The following RALYL variants were observed in gnomAD, a reference collection of about 807,000 sequenced individuals.
RALYL encodes the protein RALY RNA binding protein like, also known as RNA-binding Raly-like protein.
RALYL carries 29 observed loss-of-function variants against 35.1 expected under a neutral mutation model. The observed-to-expected ratio is 0.83, with a 90% CI of 0.61 to 1.13. The LOEUF (loss-of-function observed/expected upper bound fraction) is 1.13, where lower values mean the gene tolerates loss of function less well. RALYL is among the 50% of genes most tolerant of loss of function. RALYL has a pLI of 0.00. For missense variants in RALYL, 359 were observed against 360.4 expected, an observed-to-expected ratio of 1.00 and a Z score of 0.03; for synonymous variants, 120 against 127.6, an observed-to-expected ratio of 0.94 and a Z score of 0.40.
chr8:84,415,219 G>A (rs373610129), intron 1 of RALYL, among the ~76,000 whole-genome samples: 2 of 70,114 alleles, frequency 2.9e-5, no homozygotes, highest in African/African-American at 5.6e-5. Flanking sequence ...TTTTTTTTTT[G>A]TTTTTTTGTT....
At chr8:84,536,943 T>C (rs1281962010) in intron 2 of RALYL, among the ~76,000 whole-genome samples, 1 of 152,108 alleles carries the variant, frequency 6.6e-6, no homozygotes, top group Non-Finnish European at 1.5e-5. Context: ...TTCATCATTC[T>C]AGCTTTTTCC....
At chr8:84,865,577 A>G (rs1839027888) in intron 6 of RALYL, among the ~76,000 whole-genome samples, 1 of 152,192 alleles carries the variant, frequency 6.6e-6, no homozygotes. Flanking sequence ...TAAAACTATA[A>G]TCAGCTTGTC....
chr8:84,566,128 G>A (rs986407144), intron 2 of RALYL, among the ~76,000 whole-genome samples: 2 of 151,486 alleles, frequency 1.3e-5, no homozygotes, highest in Non-Finnish European at 3.0e-5. Context: ...TCATTTGGAT[G>A]TCATTAGGAG....
At chr8:84,792,183 C>G (rs149247161) in intron 3 of RALYL, among the ~76,000 whole-genome samples, 2,858 of 152,318 alleles carry the variant, frequency 0.019, 88 homozygotes, top group African/African-American at 0.065. Context: ...GTACCCGGGT[C>G]CTTGTCCAGC....
At chr8:84,488,319 A>G (rs532187382) in intron 1 of RALYL, among the ~76,000 whole-genome samples, 79 of 152,220 alleles carry the variant, frequency 5.2e-4, no homozygotes, top group African/African-American at 1.7e-3. Flanking sequence ...GAAGGTTAAT[A>G]TCAACTTTTT....
intron 3 of RALYL, among the ~76,000 whole-genome samples, chr8:84,800,393 A>G (rs995190684): frequency 6.6e-6 from 1 of 152,228 alleles, no homozygotes; most frequent in African/African-American, 2.4e-5. Context: ...ATTAGTGTTT[A>G]TAAAGAATGT....
chr8:84,204,815 A>G (rs1219232055), intron 1 of RALYL, among the ~76,000 whole-genome samples: 2 of 152,214 alleles, frequency 1.3e-5, no homozygotes, highest in Non-Finnish European at 2.9e-5. Flanking sequence ...GAGAGTGTTC[A>G]GCATTACTAA....
At chr8:84,820,233 A>G (rs566989851) in intron 4 of RALYL, among the ~76,000 whole-genome samples, 1 of 152,320 alleles carries the variant, frequency 6.6e-6, no homozygotes, top group South Asian at 2.1e-4. Context: ...TTTATTTTTA[A>G]AAAGCAAGTC....
At chr8:84,229,144 A>T (rs1824719092) in intron 1 of RALYL, among the ~76,000 whole-genome samples, 1 of 152,174 alleles carries the variant, frequency 6.6e-6, no homozygotes, top group African/African-American at 2.4e-5. Flanking sequence ...TTAGTCAATT[A>T]ATCAATCAGC....
intron 2 of RALYL, among the ~76,000 whole-genome samples, chr8:84,669,506 T>G (rs1439581491): frequency 3.9e-5 from 2 of 50,742 alleles, no homozygotes; most frequent in Non-Finnish European, 6.9e-5. Context: ...CCCCACTCTA[T>G]TAGTTCACAG....
intron 1 of RALYL, among the ~76,000 whole-genome samples, chr8:84,242,463 G>C (rs901702939): frequency 6.6e-6 from 1 of 152,180 alleles, no homozygotes; most frequent in Non-Finnish European, 1.5e-5. Flanking sequence ...CCCACCAACA[G>C]TGTAAAAGCA....
intron 2 of RALYL, among the ~76,000 whole-genome samples, chr8:84,693,747 T>C (rs1838559889): frequency 6.6e-6 from 1 of 151,786 alleles, no homozygotes; most frequent in African/African-American, 2.4e-5. Flanking sequence ...TTCAGCAACA[T>C]TTTAAAAGAA....
intron 2 of RALYL, among the ~76,000 whole-genome samples, chr8:84,725,970 A>G (rs1844874306): frequency 6.6e-6 from 1 of 151,576 alleles, no homozygotes; most frequent in Non-Finnish European, 1.5e-5. Flanking sequence ...ATGCTTTATA[A>G]GCAACTGTTT....
At chr8:84,865,523 G>T (rs895777493) in intron 6 of RALYL, among the ~76,000 whole-genome samples, 5 of 152,158 alleles carry the variant, frequency 3.3e-5, no homozygotes, top group African/African-American at 1.2e-4. Flanking sequence ...GCTTTAAATA[G>T]ATTGCCACTA....
intron 1 of RALYL, among the ~76,000 whole-genome samples, chr8:84,481,103 C>T (rs948387701): frequency 7.9e-5 from 12 of 152,022 alleles, no homozygotes; most frequent in Admixed American, 2.0e-4. Flanking sequence ...GATGTAGAAG[C>T]CTTGGCCAAA....
At chr8:84,568,441 G>C (rs1035585082) in intron 2 of RALYL, among the ~76,000 whole-genome samples, 2 of 150,890 alleles carry the variant, frequency 1.3e-5, no homozygotes, top group African/African-American at 2.4e-5. Flanking sequence ...TCTTAATCCA[G>C]TCTATCATTG....
intron 1 of RALYL, among the ~76,000 whole-genome samples, chr8:84,451,098 A>T (rs995743576): frequency 2.0e-5 from 3 of 152,000 alleles, no homozygotes; most frequent in African/African-American, 7.2e-5. Flanking sequence ...TCGGGTAAAT[A>T]AGATTAACTC....
intron 2 of RALYL, among the ~76,000 whole-genome samples, chr8:84,680,456 A>G: frequency 6.6e-6 from 1 of 152,194 alleles, no homozygotes; most frequent in East Asian, 1.9e-4. Context: ...ACTAGTTTAC[A>G]GTCCCACAAC....
intron 1 of RALYL, among the ~76,000 whole-genome samples, chr8:84,481,226 A>G (rs2133884539): frequency 6.6e-6 from 1 of 152,314 alleles, no homozygotes; most frequent in South Asian, 2.1e-4. Context: ...TCACTAGATT[A>G]CATAGAAATA....
Sources: gnomAD v4.1 joint callset for allele counts (sites outside exome capture counted in the v4.1 genomes callset) on GRCh38, gnomAD v4.1.1 for gene constraint, MANE v1.5 for transcripts, NCBI Gene and HGNC (gene_info 2026-07-23, HGNC 2026-07-21) for gene names.